Variants in PRAME observed in about 807,000 individuals in gnomAD.
PRAME encodes the protein melanoma antigen preferentially expressed in tumors.
A neutral mutation model predicts 32.1 loss-of-function variants in PRAME; 21 were observed. The ratio of observed to expected loss-of-function variants is 0.65; its 90% CI spans 0.46 to 0.94. The LOEUF is 0.94. PRAME is among the 40% of genes least tolerant of loss of function. The pLI is 0.00. For missense variants in PRAME, 651 were observed against 622.3 expected (o/e 1.05, Z -0.49); for synonymous variants, 274 against 251.5 (o/e 1.09, Z -0.85).
rs778405876 is a variant in PRAME at position 22,549,970 on chromosome 22, C to T, written c.709G>A (p.Asp237Asn). ...TTCCAGGTACAAGTCACTTCCAAAT[C>T]TTCAATAGAGTCCAGCTGCACCATT... The part of the protein sequence containing the change: ...LKMVQLDSIE[D>N]LEVTCTWKLP... Residue 237 changes from aspartate to asparagine, a missense_variant, in exon 5 of 6, where the codon GAT becomes AAT. Transcript: ENST00000405655. The T allele has an allele frequency of 6.2e-7, 1 of 1,613,838 alleles. No individual in the cohort carries two copies. Among genetic ancestry groups the T allele is most frequent in the South Asian group, 1.1e-5 (1 of 91,066 alleles).
At chr22:22,554,665 C>G (rs1218297498) in intron 3 of PRAME, among the ~76,000 whole-genome samples, 1 of 151,888 alleles carries the variant, frequency 6.6e-6, no homozygotes, top group Admixed American at 6.6e-5. Flanking sequence ...GTCCCTGACT[C>G]TGTCTGGGGA....
At chr22:22,548,775 G>C in intron 5 of PRAME, 132 bp from the exon 6 acceptor site, 1 of 779,916 alleles carries the variant, frequency 1.3e-6, no homozygotes, top group Non-Finnish European at 2.0e-6. Flanking sequence ...TGCTGTAACG[G>C]AGCATTCAAG....
chr22:22,548,236 G>A lies in PRAME; in HGVS notation c.1361C>T (p.Thr454Ile), dbSNP rs757996613. 1 of 1,613,844 alleles carries A rather than the reference G, an allele frequency of 6.2e-7. No homozygotes were observed. The highest frequency in any genetic ancestry group is 1.3e-5 in the African/African-American group (1 of 74,980). ...ATAGGCAAGCCTCTCCAGGTGGAGG[G>A]TACCATGGATGTCCTCATAACTCTC... Reference protein sequence around the residue: ...PLESYEDIHGTLHLERLAYLH... With the variant: ...PLESYEDIHGILHLERLAYLH... The change falls in exon 6 of 6, where the codon ACC (threonine) becomes ATC (isoleucine). Residue 454 changes from threonine to isoleucine, a missense_variant. By Grantham distance (89) the Thr-to-Ile change is moderately conservative. Transcript: ENST00000405655.
chr22:22,554,263 T>C (rs1471354442), intron 3 of PRAME: 8 of 984,284 alleles, frequency 8.1e-6, no homozygotes, highest in East Asian at 1.1e-4. Flanking sequence ...ACAATTCTTA[T>C]ATTCTACTGG....
At chr22:22,551,214 TTC>T in intron 3 of PRAME, 125 bp from the exon 4 acceptor site, 1 of 861,798 alleles carries the variant, frequency 1.2e-6, no homozygotes, top group Non-Finnish European at 1.8e-6. Context: ...AGCAGGGGAG[TTC>T]TCAGTTTACC....
intron 5 of PRAME, among the ~76,000 whole-genome samples, chr22:22,549,345 A>C (rs965007117): frequency 6.6e-6 from 1 of 151,940 alleles, no homozygotes; most frequent in African/African-American, 2.4e-5. Context: ...TGGTGAGCGC[A>C]CAGCTTACAA....
Position 22,548,586 on chromosome 22 carries a change from C to A in PRAME, c.1011G>T (p.Gly337=). The change falls in exon 6 of 6, where the codon GGG becomes GGT. Residue 337 remains glycine (G), a synonymous_variant. Coordinates refer to ENST00000405655, the MANE Select transcript of PRAME (RefSeq NM_206956.3). ...GACTCTGGGACAGATGCATCACATC[C>A]CCTTCCGAAAGCCGGCAGTTAGTTA... is the stretch of plus-strand genomic sequence containing the variant. ...LSITNCRLSE[G]DVMHLSQSPS... is the part of the protein sequence containing the mutation. 6.2e-7 allele frequency: 1 copy of A among 1,611,960 alleles called. No homozygotes were observed. Among genetic ancestry groups the A allele is most frequent in the Non-Finnish European group, 8.5e-7 (1 of 1,179,878 alleles).
At position 22,550,118 on chromosome 22, in the gene PRAME, G is replaced by A; in HGVS notation, c.561C>T (p.Ala187=). ...VLVDLFLKEG[A]CDELFSYLIE... ...TGAGGTAGGAGAACAATTCATCACA[G>A]GCACCTTCCTTGAGGAACAGGTCTA... is the stretch of plus-strand genomic sequence containing the variant. Residue 187 remains alanine, a synonymous_variant, in exon 5 of 6, where the codon GCC becomes GCT. Transcript: ENST00000405655. 1 of 1,613,860 alleles carries A rather than the reference G, an allele frequency of 6.2e-7. No homozygotes were observed. Among genetic ancestry groups the A allele is most frequent in the Non-Finnish European group, 8.5e-7 (1 of 1,179,972 alleles).
chr22:22,551,040 C>T lies in PRAME; in HGVS notation c.71G>A (p.Arg24Gln), dbSNP rs748997828. 3 of 1,608,216 alleles carry T rather than the reference C, an allele frequency of 1.9e-6. No homozygotes were observed. Among genetic ancestry groups the T allele is most frequent in the Admixed American group, 1.7e-5 (1 of 59,680 alleles). ...YISMSVWTSP[R>Q]RLVELAGQSL... ...CTGCCCTGCCAGCTCCACAAGTCTC[C>T]GTGGGCTTGTCCACACACTCATGCT... The change falls in exon 4 of 6, where the codon CGG becomes CAG. Residue 24 changes from arginine (R) to glutamine (Q), a missense_variant. Physicochemically the swap from Arg to Gln is conservative, Grantham distance 43. Coordinates refer to ENST00000405655, the MANE Select transcript of PRAME (RefSeq NM_206956.3).
chr22:22,549,873 T>C lies in PRAME; in HGVS notation c.806A>G (p.His269Arg). 1 of 1,613,824 alleles carries C rather than the reference T, an allele frequency of 6.2e-7. No homozygotes were observed. The highest frequency in any genetic ancestry group is 1.1e-5 in the South Asian group (1 of 91,054). ...MINLRRLLLS[H>R]IHASSYISPE... ...GGAAATGTAGGAAGATGCATGGATG[T>C]GGGAGAGGAGGAGTCTACGCAGATT... The change falls in exon 5 of 6, where the codon CAC becomes CGC. Residue 269 changes from histidine (H) to arginine (R), a missense_variant. By Grantham distance (29) the His-to-Arg change is conservative. Transcript: ENST00000405655.
In PRAME at chr22:22,559,174, C is replaced by G; in HGVS notation, c.-317G>C. The G allele has an allele frequency of 4.6e-5, 13 of 280,016 alleles. No individual in the cohort carries two copies. Among genetic ancestry groups the G allele is most frequent in the South Asian group, 4.0e-4 (13 of 32,890 alleles). The allele number at this position is 280,016 out of a possible 1,614,324, so 17.3% of individuals were successfully genotyped here. On this transcript the variant is annotated 5_prime_UTR_variant, in exon 1 of 6. Coordinates refer to ENST00000405655, the MANE Select transcript of PRAME (RefSeq NM_206956.3). ...CTGCTCCTTTTGTCGCCAATACAGACCTGTTGACAGGTCACGCCTGGGAAG... is the reference window on the plus strand; with the variant it reads ...CTGCTCCTTTTGTCGCCAATACAGAGCTGTTGACAGGTCACGCCTGGGAAG...
At chr22:22,556,016 G>C (rs1413083040) in intron 3 of PRAME, 3 of 407,678 alleles carry the variant, frequency 7.4e-6, no homozygotes, top group South Asian at 1.8e-5. Flanking sequence ...TTTTGGAGGA[G>C]GAGTTTCACT....
Position 22,550,865 on chromosome 22 carries a change from A to T in PRAME, c.246T>A (p.Pro82=), listed in dbSNP as rs1194921844. 2 of 1,613,596 alleles carry T rather than the reference A, an allele frequency of 1.2e-6. No homozygotes were observed. The highest frequency in any genetic ancestry group is 1.3e-5 in the African/African-American group (1 of 74,846). Residue 82 remains proline (P), a synonymous_variant, in exon 4 of 6, where the codon CCT becomes CCA. Transcript: ENST00000405655. ...GTTGTCCCTTCATCAGCACTCCCAG[A>T]GGGAGGCAGGTGAAGGGCCAGGCCT... ...MVQAWPFTCL[P]LGVLMKGQHL...
At chr22:22,548,980 T>C (rs2062404570) in intron 5 of PRAME, among the ~76,000 whole-genome samples, 1 of 151,894 alleles carries the variant, frequency 6.6e-6, no homozygotes, top group South Asian at 2.1e-4. Flanking sequence ...TGAATTTTAG[T>C]ATTTGAAGAT....
At chr22:22,551,145 T>TC in intron 3 of PRAME, 56 bp from the exon 4 acceptor site, 1 of 1,463,902 alleles carries the variant, frequency 6.8e-7, no homozygotes, top group Non-Finnish European at 9.2e-7. Context: ...TAAGCAACTC[T>TC]ATCTTTTCCT....
Position 22,550,906 on chromosome 22 carries a change from G to T in PRAME, c.205C>A (p.Leu69Met). Residue 69 changes from leucine to methionine, a missense_variant, in exon 4 of 6, where the codon CTG (leucine) becomes ATG (methionine). By Grantham distance (15) the Leu-to-Met change is conservative (BLOSUM62 2). Coordinates refer to ENST00000405655, the MANE Select transcript of PRAME (RefSeq NM_206956.3). The part of the protein sequence containing the change: ...AAFDGRHSQT[L>M]KAMVQAWPFT... ...GGCCAGGCCTGCACCATTGCCTTCA[G>T]GGTCTGGCTGTGTCTCCCGTCAAAG... The T allele has an allele frequency of 6.2e-7, 1 of 1,613,914 alleles. No homozygotes were observed. Among genetic ancestry groups the T allele is most frequent in the South Asian group, 1.1e-5 (1 of 91,080 alleles).
Position 22,548,249 on chromosome 22 carries a change from C to G in PRAME, c.1348G>C (p.Asp450His), listed in dbSNP as rs1486938625. The G allele has an allele frequency of 1.9e-6, 3 of 1,613,858 alleles. No individual in the cohort carries two copies. Among genetic ancestry groups the G allele is most frequent in the Non-Finnish European group, 1.7e-6 (2 of 1,179,976 alleles). Residue 450 changes from aspartate to histidine, a missense_variant, in exon 6 of 6, where the codon GAC becomes CAC. Transcript: ENST00000405655. Reference sequence around the variant, plus strand: ...TCCAGGTGGAGGGTACCATGGATGTCCTCATAACTCTCCAGGGGGACAGGA... The same window carrying G: ...TCCAGGTGGAGGGTACCATGGATGTGCTCATAACTCTCCAGGGGGACAGGA... ...LYPVPLESYE[D>H]IHGTLHLERL...
intron 5 of PRAME, among the ~76,000 whole-genome samples, chr22:22,549,124 T>C (rs2062413868): frequency 1.3e-5 from 2 of 151,834 alleles, no homozygotes; most frequent in Non-Finnish European, 1.5e-5. Flanking sequence ...GTCAGCAACA[T>C]CCAAAGGGGG....
At position 22,559,214 on chromosome 22, in the gene PRAME, C is replaced by T. The variant is rs545286274; in HGVS notation, c.-357G>A. ...CGCCTGGGAAGCGGGTGGGGTGTCC[C>T]GGAGCGGTGCTGAGGCGCTGCAGGC... is the stretch of plus-strand genomic sequence containing the variant. On this transcript the variant is annotated 5_prime_UTR_variant, in exon 1 of 6. Coordinates refer to ENST00000405655, the MANE Select transcript of PRAME (RefSeq NM_206956.3). 5.8e-5 allele frequency: 17 copies of T among 294,752 alleles called. No individual in the cohort carries two copies. The highest frequency in any genetic ancestry group is 5.1e-4 in the East Asian group (3 of 5,906). The allele number at this position is 294,752 out of a possible 1,614,324, so 18.3% of individuals were successfully genotyped here.
Sources: allele counts gnomAD v4.1 joint callset (sites outside exome capture counted in the v4.1 genomes callset), GRCh38; gene constraint gnomAD v4.1.1; transcripts MANE v1.5; gene names NCBI Gene and HGNC (gene_info 2026-07-23, HGNC 2026-07-21).